The following PPM1H variants were observed in gnomAD, a reference collection of about 807,000 sequenced individuals.
The protein encoded by PPM1H is protein phosphatase, Mg2+/Mn2+ dependent 1H.
PPM1H carries 27 observed loss-of-function variants against 54.9 expected under a neutral mutation model. The ratio of observed to expected loss-of-function variants is 0.49; its 90% CI spans 0.36 to 0.68. PPM1H has a LOEUF of 0.68. PPM1H is among the 30% of genes least tolerant of loss of function. The pLI is 0.00. For synonymous variants in PPM1H, 305 were observed against 270.8 expected (o/e 1.13, Z -1.24); for missense variants, 596 against 667.8 (o/e 0.89, Z 1.19).
In PPM1H at chr12:62,852,021, G is replaced by C. The variant is rs146657293; in HGVS notation, c.246-19742C>G. 1.5e-4 allele frequency among the ~76,000 whole-genome samples: 23 copies of C among 151,916 alleles called. No individual in the cohort carries two copies. The East Asian group carries it at 4.5e-3, about 30-fold the overall frequency. On this transcript the variant is annotated intron_variant, in intron 1 of 9. Transcript: ENST00000228705. ...GGCTGAGGTGGGTGGATGAGGTCAGGGGTTCGAGACCAGCCTGACCAATAT... is the reference window on the plus strand; with the variant it reads ...GGCTGAGGTGGGTGGATGAGGTCAGCGGTTCGAGACCAGCCTGACCAATAT...
intron 8 of PPM1H, among the ~76,000 whole-genome samples, chr12:62,672,273 C>CA (rs2075960817): frequency 6.6e-6 from 1 of 152,108 alleles, no homozygotes; most frequent in Non-Finnish European, 1.5e-5. Flanking sequence ...AGGTGAAGAA[C>CA]AAAAAGTGAA....
In PPM1H at chr12:62,757,189, T is replaced by A. The variant is rs561440014; in HGVS notation, c.870-19603A>T. Among the ~76,000 whole-genome samples, 244 of 152,258 alleles carry A rather than the reference T, an allele frequency of 1.6e-3. 2 individuals carry two copies. The South Asian group carries it at 0.021, about 13-fold the overall frequency. On this transcript the variant is annotated intron_variant, in intron 4 of 9. Transcript: ENST00000228705. ...TGCTCTCGTAGGGCTGGGTTATGAATCTGAATTATCTGAGTGTAGACAGTA... is the reference window on the plus strand; with the variant it reads ...TGCTCTCGTAGGGCTGGGTTATGAAACTGAATTATCTGAGTGTAGACAGTA...
intron 1 of PPM1H, among the ~76,000 whole-genome samples, chr12:62,845,527 C>T (rs1302592229): frequency 3.3e-5 from 5 of 152,162 alleles, no homozygotes; most frequent in African/African-American, 4.8e-5. Flanking sequence ...TATGGAAAGT[C>T]TTGTAAAAAT....
chr12:62,865,344 C>T (rs1869737227), intron 1 of PPM1H, among the ~76,000 whole-genome samples: 1 of 152,116 alleles, frequency 6.6e-6, no homozygotes, highest in Non-Finnish European at 1.5e-5. Context: ...TCATGTGGTT[C>T]CTTCCCTCCA....
At chr12:62,737,453 A>G (rs1312658888) in intron 5 of PPM1H, 49 bp downstream of exon 5, 1 of 1,325,462 alleles carries the variant, frequency 7.5e-7, no homozygotes, top group Non-Finnish European at 1.0e-6. Context: ...AACAGCTCCG[A>G]TGCCATCCCT....
chr12:62,869,930 G>A (rs1216875691), intron 1 of PPM1H, among the ~76,000 whole-genome samples: 2 of 152,130 alleles, frequency 1.3e-5, no homozygotes, highest in African/African-American at 4.8e-5. Flanking sequence ...GCCTTACAGT[G>A]CCTCAGAGAG....
intron 1 of PPM1H, among the ~76,000 whole-genome samples, chr12:62,852,834 T>C (rs890158970): frequency 2.0e-5 from 3 of 152,234 alleles, no homozygotes; most frequent in Admixed American, 1.3e-4. Context: ...ATGAGTGGGA[T>C]ACATCTCCTG....
chr12:62,779,806 A>T (rs1261032992), intron 4 of PPM1H, among the ~76,000 whole-genome samples: 1 of 152,138 alleles, frequency 6.6e-6, no homozygotes, highest in Non-Finnish European at 1.5e-5. Context: ...TTACCACCTT[A>T]CCCCATAACT....
At chr12:62,702,395 G>C (rs182239016) in intron 6 of PPM1H, among the ~76,000 whole-genome samples, 3 of 152,128 alleles carry the variant, frequency 2.0e-5, no homozygotes, top group Admixed American at 2.0e-4. Flanking sequence ...GTTCTTCCTA[G>C]TCTTTGCTGG....
intron 8 of PPM1H, among the ~76,000 whole-genome samples, chr12:62,682,015 C>G (rs1407158662): frequency 1.3e-5 from 2 of 152,276 alleles, no homozygotes; most frequent in East Asian, 3.9e-4. Context: ...CAGGGAAGTA[C>G]TTTTTCAAGG....
At chr12:62,748,226 G>C (rs971399201) in intron 4 of PPM1H, among the ~76,000 whole-genome samples, 15 of 151,002 alleles carry the variant, frequency 9.9e-5, no homozygotes, top group Non-Finnish European at 1.3e-4. Context: ...CTGGGCGACA[G>C]AGCGAGACTC....
chr12:62,898,204 C>T (rs1206304380), intron 1 of PPM1H, among the ~76,000 whole-genome samples: 1 of 152,160 alleles, frequency 6.6e-6, no homozygotes, highest in African/African-American at 2.4e-5. Flanking sequence ...CCAAGGTTAA[C>T]TAAATGAATT....
chr12:62,845,109 T>C (rs753369467), intron 1 of PPM1H, among the ~76,000 whole-genome samples: 55 of 152,224 alleles, frequency 3.6e-4, no homozygotes, highest in Non-Finnish European at 6.3e-4. Context: ...AGGGCCAGGA[T>C]GGCTCTTTTA....
At chr12:62,871,072 A>T (rs1257435444) in intron 1 of PPM1H, among the ~76,000 whole-genome samples, 1 of 152,236 alleles carries the variant, frequency 6.6e-6, no homozygotes, top group African/African-American at 2.4e-5. Flanking sequence ...TACCCAAGAG[A>T]ACTGAAAACA....
chr12:62,915,822 G>C (rs1397164824), intron 1 of PPM1H, among the ~76,000 whole-genome samples: 1 of 152,160 alleles, frequency 6.6e-6, no homozygotes, highest in African/African-American at 2.4e-5. Context: ...GCTCCACGTG[G>C]GGATTCTGAC....
intron 4 of PPM1H, among the ~76,000 whole-genome samples, chr12:62,770,895 T>A (rs2076575253): frequency 6.6e-6 from 1 of 151,936 alleles, no homozygotes; most frequent in South Asian, 2.1e-4. Flanking sequence ...AAAGCAAGGG[T>A]CCAGGAGCCG....
At chr12:62,777,624 A>G (rs1357554667) in intron 4 of PPM1H, among the ~76,000 whole-genome samples, 1 of 152,232 alleles carries the variant, frequency 6.6e-6, no homozygotes, top group African/African-American at 2.4e-5. Context: ...CAAATCTTAT[A>G]TTAAGGATGA....
rs528018140 is a variant in PPM1H, at chr12:62,720,321, A to G, written c.955-32T>C. 47 of 1,463,948 alleles carry G rather than the reference A, an allele frequency of 3.2e-5. No homozygotes were observed. The South Asian group carries it at 5.4e-4, about 17-fold the overall frequency. 90.7% of individuals were successfully genotyped at this position (1,463,948 alleles called of 1,614,324 possible). ...GCAAAAAGAAAAAGAAAAAACACAC[A>G]CATACACGTATTTAGAGAAACAAAA... On this transcript the variant is annotated intron_variant, in intron 5 of 9. Transcript: ENST00000228705.
chr12:62,849,742 C>T (rs1413612847), intron 1 of PPM1H, among the ~76,000 whole-genome samples: 1 of 152,092 alleles, frequency 6.6e-6, no homozygotes, highest in African/African-American at 2.4e-5. Flanking sequence ...TGATAAAATG[C>T]ACTAAGTCTG....
Sources: gnomAD v4.1 joint callset for allele counts (sites outside exome capture counted in the v4.1 genomes callset) on GRCh38, gnomAD v4.1.1 for gene constraint, MANE v1.5 for transcripts, NCBI Gene and HGNC (gene_info 2026-07-23, HGNC 2026-07-21) for gene names.